Variants in DDX19B observed in about 807,000 individuals in gnomAD.
The protein encoded by DDX19B is DEAD-box helicase 19B.
DDX19B carries 27 observed loss-of-function variants against 58.1 expected under a neutral mutation model. The observed-to-expected ratio is 0.46, with a 90% CI of 0.34 to 0.64. DDX19B has a LOEUF of 0.64. Among genes scored for constraint, DDX19B ranks in the 30% least tolerant of loss-of-function variants. DDX19B has a pLI of 0.01. For synonymous variants in DDX19B, 187 were observed against 214.4 expected, an observed-to-expected ratio of 0.87 and a Z score of 1.12; for missense variants, 399 against 596.5, an observed-to-expected ratio of 0.67 and a Z score of 3.45.
intron 5 of DDX19B, chr16:70,317,921 G>C (rs1962525511): frequency 6.3e-6 from 1 of 158,762 alleles, no homozygotes; most frequent in Non-Finnish European, 1.4e-5. Flanking sequence ...CTCCATTCTG[G>C]GCAACAAAGA....
chr16:70,307,091 A>C (rs951077455), intron 1 of DDX19B, among the ~76,000 whole-genome samples: 2 of 152,200 alleles, frequency 1.3e-5, no homozygotes, highest in African/African-American at 4.8e-5. Flanking sequence ...CATTGTGTGG[A>C]TATACCACAT....
In DDX19B at chr16:70,327,911, G is replaced by A. The variant is rs184870537; in HGVS notation, c.608-1381G>A. On this transcript the variant is annotated intron_variant, in intron 7 of 11. Coordinates refer to ENST00000288071, the MANE Select transcript of DDX19B (RefSeq NM_007242.7). ...CATACCTGTAATCTCAGCACTTTGGGAGCCTAAGGTGGGTGGATCATTGTA... is the reference window on the plus strand; with the variant it reads ...CATACCTGTAATCTCAGCACTTTGGAAGCCTAAGGTGGGTGGATCATTGTA... 2.0e-4 allele frequency among the ~76,000 whole-genome samples: 30 copies of A among 152,176 alleles called. 1 individual carries two copies. The highest frequency in any genetic ancestry group is 8.3e-4 in the South Asian group (4 of 4,810).
upstream of DDX19B, chr16:70,294,851 T>G (rs912011636): frequency 9.2e-6 from 14 of 1,520,490 alleles, no homozygotes; most frequent in Non-Finnish European, 1.2e-5. Context: ...CCGCGATGGC[T>G]GGGGCTGCCG....
At chr16:70,299,490 G>C in intron 1 of DDX19B, 136 bp downstream of exon 1, 1 of 1,096,552 alleles carries the variant, frequency 9.1e-7, no homozygotes, top group African/African-American at 1.6e-5. Flanking sequence ...CCTGGACCCT[G>C]AGCTGGCTTT....
intron 1 of DDX19B, among the ~76,000 whole-genome samples, chr16:70,306,182 T>G (rs374010139): frequency 5.3e-5 from 8 of 150,038 alleles, no homozygotes; most frequent in Non-Finnish European, 1.2e-4. Context: ...AATAGAGTCT[T>G]ACTTTGTCAC....
rs1416375107 is a variant in DDX19B at position 70,334,616 on chromosome 16, T to C, written c.*1034T>C. 1 of 152,202 alleles carries C rather than the reference T, an allele frequency of 6.6e-6. No homozygotes were observed. Among genetic ancestry groups the C allele is most frequent in the African/African-American group, 2.4e-5 (1 of 41,464 alleles). 9.4% of individuals were successfully genotyped at this position (152,202 alleles called of 1,614,324 possible). ...TTTCAGATATTTGACATCTTGATTA[T>C]AAAGGGCTTCTGAACATCTGTGTTT... On this transcript the variant is annotated 3_prime_UTR_variant, in exon 12 of 12. Coordinates refer to ENST00000288071, the MANE Select transcript of DDX19B (RefSeq NM_007242.7).
intron 5 of DDX19B, among the ~76,000 whole-genome samples, chr16:70,318,381 CAA>C (rs1187438111): frequency 4.2e-5 from 5 of 118,500 alleles, no homozygotes; most frequent in Admixed American, 8.8e-5. Context: ...CTCAAAAATG[CAA>C]AAAAAAAAAA....
At chr16:70,332,872 C>T (rs1407264989) in intron 10 of DDX19B, 96 bp from the exon 11 acceptor site, 5 of 1,609,624 alleles carry the variant, frequency 3.1e-6, no homozygotes. Context: ...GCCGTGTTCC[C>T]TTAATGCTGA....
intron 4 of DDX19B, among the ~76,000 whole-genome samples, chr16:70,316,628 C>A (rs545838876): frequency 2.0e-5 from 3 of 152,134 alleles, no homozygotes; most frequent in Admixed American, 2.0e-4. Context: ...CCAGCCTGGG[C>A]AACATAGCGA....
chr16:70,311,068 T>C (rs1485600199), intron 1 of DDX19B, among the ~76,000 whole-genome samples: 1 of 149,544 alleles, frequency 6.7e-6, no homozygotes, highest in South Asian at 2.1e-4. Context: ...TGTTTTGTTT[T>C]TAATAAAAAT....
At chr16:70,291,252 G>C (rs532876447), upstream of DDX19B, among the ~76,000 whole-genome samples, 1 of 152,288 alleles carries the variant, frequency 6.6e-6, no homozygotes, top group African/African-American at 2.4e-5. Flanking sequence ...GAGAGGTTAA[G>C]TAACACAGCT....
At chr16:70,294,793 G>T, upstream of DDX19B, 1 of 1,382,280 alleles carries the variant, frequency 7.2e-7, no homozygotes, top group Non-Finnish European at 9.5e-7. Flanking sequence ...GCTCCGGCTT[G>T]GCCAGTGCCA....
At chr16:70,311,446 C>T (rs1210745598) in intron 1 of DDX19B, among the ~76,000 whole-genome samples, 1 of 152,040 alleles carries the variant, frequency 6.6e-6, no homozygotes. Flanking sequence ...ATCCAAAGGC[C>T]AAAAATAGAA....
rs541921371 is a variant in DDX19B, at chr16:70,315,480, G to C, written c.161-489G>C. The stretch of plus-strand genomic sequence containing the variant: ...TAGAGAAATTTTACATTTAACAACT[G>C]AACAGTTGAATAGGGCATTATAAAA... On this transcript the variant is annotated intron_variant, in intron 3 of 11. Transcript: ENST00000288071. Among the ~76,000 whole-genome samples the C allele has an allele frequency of 2.0e-4, 30 of 151,808 alleles. 1 individual carries two copies. The highest frequency in any genetic ancestry group is 8.3e-4 in the South Asian group (4 of 4,802).
chr16:70,301,495 T>C (rs1044366419), intron 1 of DDX19B, among the ~76,000 whole-genome samples: 2 of 152,092 alleles, frequency 1.3e-5, no homozygotes, highest in Non-Finnish European at 2.9e-5. Context: ...TTCAGAAAAT[T>C]TATGGTAATA....
intron 3 of DDX19B, among the ~76,000 whole-genome samples, chr16:70,315,380 C>CT (rs1962328201): frequency 7.3e-6 from 1 of 137,874 alleles, no homozygotes; most frequent in African/African-American, 2.8e-5. Flanking sequence ...GAGCGAGACT[C>CT]TGTCTCAAAA....
intron 1 of DDX19B, among the ~76,000 whole-genome samples, chr16:70,307,711 G>T (rs1388289971): frequency 6.6e-6 from 1 of 150,720 alleles, no homozygotes; most frequent in African/African-American, 2.4e-5. Flanking sequence ...ATATGTGTGT[G>T]TGTGTATATA....
upstream of DDX19B, among the ~76,000 whole-genome samples, chr16:70,293,063 A>G: frequency 7.0e-6 from 1 of 142,500 alleles, no homozygotes; most frequent in Non-Finnish European, 1.5e-5. Flanking sequence ...CTGGGAGACA[A>G]GAGGGAAACT....
chr16:70,315,913 A>T, intron 3 of DDX19B, 56 bp from the exon 4 acceptor site: 1 of 1,584,950 alleles, frequency 6.3e-7, no homozygotes, highest in Non-Finnish European at 8.6e-7. Flanking sequence ...ATTAGAGTAA[A>T]CGCCTGGTAG....
Sources: allele counts gnomAD v4.1 joint callset (sites outside exome capture counted in the v4.1 genomes callset), GRCh38; gene constraint gnomAD v4.1.1; transcripts MANE v1.5; gene names NCBI Gene and HGNC (gene_info 2026-07-23, HGNC 2026-07-21).